The following ATF7IP2 variants were observed in gnomAD, a reference collection of about 807,000 sequenced individuals.
The protein encoded by ATF7IP2 is activating transcription factor 7-interacting protein 2.
A neutral mutation model predicts 64.2 loss-of-function variants in ATF7IP2; 42 were observed. The ratio of observed to expected loss-of-function variants is 0.65; its 90% CI spans 0.51 to 0.85. The LOEUF is 0.85. Among genes scored for constraint, ATF7IP2 ranks in the 40% least tolerant of loss-of-function variants. ATF7IP2 has a pLI of 0.00. For synonymous variants in ATF7IP2, 308 were observed against 272.8 expected, an observed-to-expected ratio of 1.13 and a Z score of -1.27; for missense variants, 933 against 784.2, an observed-to-expected ratio of 1.19 and a Z score of -2.27.
chr16:10,390,596 A>C (rs2047302200), intron 1 of ATF7IP2, among the ~76,000 whole-genome samples: 3 of 152,286 alleles, frequency 2.0e-5, no homozygotes, highest in African/African-American at 7.2e-5. Context: ...CACCTGGGTA[A>C]CATTACACAG....
chr16:10,471,220 A>T (rs1254815800), intron 9 of ATF7IP2, among the ~76,000 whole-genome samples: 1 of 152,152 alleles, frequency 6.6e-6, no homozygotes, highest in Non-Finnish European at 1.5e-5. Context: ...AAAACAGAAG[A>T]TGTCTGCAAG....
At chr16:10,398,362 C>T (rs2047460869) in intron 1 of ATF7IP2, among the ~76,000 whole-genome samples, 2 of 151,818 alleles carry the variant, frequency 1.3e-5, no homozygotes, top group South Asian at 4.2e-4. Context: ...GAAAAGGGAA[C>T]TCTTGCACAC....
intron 9 of ATF7IP2, among the ~76,000 whole-genome samples, chr16:10,469,839 TA>T (rs2049723555): frequency 6.6e-6 from 1 of 151,306 alleles, no homozygotes; most frequent in African/African-American, 2.4e-5. Context: ...CTGTGCAAAC[TA>T]GAAGACATCT....
rs570435220 is a variant in ATF7IP2 at position 10,388,683 on chromosome 16, C to A, written c.-242+2561C>A. ...GAATATTCATTAAACAGCATTAAAACTACTGTAAGAAAGGCATGTCACTGA... is the reference window on the plus strand; with the variant it reads ...GAATATTCATTAAACAGCATTAAAAATACTGTAAGAAAGGCATGTCACTGA... On this transcript the variant is annotated intron_variant, in intron 1 of 13. Coordinates refer to ENST00000562102, the MANE Select transcript of ATF7IP2 (RefSeq NM_001393719.1). Among the ~76,000 whole-genome samples, 315 of 152,242 alleles carry A rather than the reference C, an allele frequency of 2.1e-3. 2 individuals carry two copies. The highest frequency in any genetic ancestry group is 7.3e-3 in the African/African-American group (305 of 41,536).
chr16:10,393,856 C>T (rs939011920), intron 1 of ATF7IP2, among the ~76,000 whole-genome samples: 1 of 152,080 alleles, frequency 6.6e-6, no homozygotes, highest in Non-Finnish European at 1.5e-5. Context: ...GCTTGGGCAC[C>T]ATAGTAAGAC....
chr16:10,446,831 A>C (rs1016199053), intron 8 of ATF7IP2: 5 of 152,090 alleles, frequency 3.3e-5, no homozygotes, highest in African/African-American at 1.2e-4. Flanking sequence ...AATATCCCCT[A>C]TTGGAAGTTT....
At chr16:10,443,168 G>A (rs1056404969) in intron 8 of ATF7IP2, among the ~76,000 whole-genome samples, 1 of 152,188 alleles carries the variant, frequency 6.6e-6, no homozygotes, top group African/African-American at 2.4e-5. Context: ...TCCACTCGAG[G>A]ATGAGTAAGG....
intron 8 of ATF7IP2, chr16:10,445,435 C>G (rs531432362): frequency 2.0e-5 from 3 of 152,284 alleles, no homozygotes; most frequent in Admixed American, 6.5e-5. Flanking sequence ...CCTTGACTTT[C>G]AAAAGAAAGG....
intron 1 of ATF7IP2, among the ~76,000 whole-genome samples, chr16:10,393,124 A>T (rs997190390): frequency 6.6e-5 from 10 of 152,092 alleles, no homozygotes; most frequent in Admixed American, 1.3e-4. Context: ...AGCCTGGCCA[A>T]CATGGTGAAA....
At chr16:10,405,799 A>G (rs1379855843) in intron 1 of ATF7IP2, among the ~76,000 whole-genome samples, 1 of 152,134 alleles carries the variant, frequency 6.6e-6, no homozygotes. Context: ...ACTGACAATA[A>G]ACCTGTGTTG....
intron 6 of ATF7IP2, 38 bp downstream of exon 6, chr16:10,433,687 A>G (rs1340550972): frequency 5.6e-6 from 9 of 1,604,218 alleles, no homozygotes; most frequent in Middle Eastern, 3.3e-4. Context: ...TTTACTTTTG[A>G]TTAGTAAAAC....
At chr16:10,476,383 T>C (rs1173343172) in intron 12 of ATF7IP2, among the ~76,000 whole-genome samples, 1 of 152,210 alleles carries the variant, frequency 6.6e-6, no homozygotes, top group Non-Finnish European at 1.5e-5. Flanking sequence ...GGATCTAAAA[T>C]GGTTTTTACT....
chr16:10,424,225 CCTTCAGCGTGGGCATCATAGCCATCA>C (rs1367998617), intron 3 of ATF7IP2, among the ~76,000 whole-genome samples: 2 of 152,198 alleles, frequency 1.3e-5, no homozygotes, highest in Non-Finnish European at 2.9e-5. Flanking sequence ...AAACCAACAA[CCTTCAGCGTGGGCATCATAGCCATCA>C]CGAGCCTGTC....
At chr16:10,389,991 C>T (rs557045638) in intron 1 of ATF7IP2, among the ~76,000 whole-genome samples, 38 of 152,238 alleles carry the variant, frequency 2.5e-4, no homozygotes, top group Non-Finnish European at 4.6e-4. Flanking sequence ...TAAGACCCTC[C>T]GTTCAAATAT....
Position 10,482,181 on chromosome 16 carries a change from A to G in ATF7IP2, c.1981A>G (p.Ile661Val). 1.2e-6 allele frequency: 2 copies of G among 1,612,966 alleles called. No individual in the cohort carries two copies. The highest frequency in any genetic ancestry group is 1.7e-6 in the Non-Finnish European group (2 of 1,179,042). Residue 661 changes from isoleucine to valine, a missense_variant, in exon 14 of 14, where the codon ATT (isoleucine) becomes GTT (valine). Coordinates refer to ENST00000562102, the MANE Select transcript of ATF7IP2 (RefSeq NM_001393719.1). ...CTATTTTACTGTCCAATCAAAAGAT[A>G]TTTTTGGACGATATGGACCATTCTG... ...RYYFTVQSKD[I>V]FGRYGPFCDI...
At chr16:10,438,313 TGGC>T in intron 7 of ATF7IP2, 78 bp downstream of exon 7, 1 of 1,402,652 alleles carries the variant, frequency 7.1e-7, no homozygotes, top group East Asian at 2.6e-5. Context: ...TGCAGTACGG[TGGC>T]TCACTGCAGC....
Position 10,431,424 on chromosome 16 carries a change from A to G in ATF7IP2, c.804A>G (p.Thr268=), listed in dbSNP as rs1479689220. The change falls in exon 5 of 14, where the codon ACA becomes ACG. Residue 268 remains threonine (T), a synonymous_variant. Transcript: ENST00000562102. ...SISNCESADS[T]WQSSLDTNNN... Reference sequence around the variant, plus strand: ...CAAATTGTGAAAGTGCAGACTCAACATGGCAGTCATCACTTGACACTAATA... The same window carrying G: ...CAAATTGTGAAAGTGCAGACTCAACGTGGCAGTCATCACTTGACACTAATA... 1.2e-6 allele frequency: 2 copies of G among 1,606,322 alleles called. No individual in the cohort carries two copies. Among genetic ancestry groups the G allele is most frequent in the Admixed American group, 1.7e-5 (1 of 59,484 alleles).
chr16:10,482,318 A>G lies in ATF7IP2; in HGVS notation c.*69A>G. On this transcript the variant is annotated 3_prime_UTR_variant, in exon 14 of 14. Transcript: ENST00000562102. ...TTGTTTGCAATGTTACTGTAATACT[A>G]TTTGCCATTGTAAAAGGCCAGCTCA... 1 of 1,248,644 alleles carries G rather than the reference A, an allele frequency of 8.0e-7. No individual in the cohort carries two copies. The highest frequency in any genetic ancestry group is 1.1e-6 in the Non-Finnish European group (1 of 898,500). 77.3% of individuals were successfully genotyped at this position (1,248,644 alleles called of 1,614,324 possible). A position where few individuals can be genotyped will look rare whatever the true frequency, so the allele number is the denominator to read the frequency against.
In ATF7IP2 at chr16:10,473,913, A is replaced by AT. The variant is rs760649341; in HGVS notation, c.1483-3dup. 4.4e-6 allele frequency: 5 copies of AT among 1,136,104 alleles called. No individual in the cohort carries two copies. The highest frequency in any genetic ancestry group is 5.6e-6 in the Non-Finnish European group (5 of 886,850). 70.4% of individuals were successfully genotyped at this position (1,136,104 alleles called of 1,614,324 possible). Reference sequence around the variant, plus strand: ...GCAAAGCTTTTTTTTTTTTTTTACAATTTTTTTAGGCTGTACAGAAGAAAC... The same window carrying AT: ...GCAAAGCTTTTTTTTTTTTTTTACAATTTTTTTTAGGCTGTACAGAAGAAAC... On this transcript the variant is annotated splice_polypyrimidine_tract_variant and intron_variant, in intron 11 of 13. Transcript: ENST00000562102.
Sources: allele counts gnomAD v4.1 joint callset (sites outside exome capture counted in the v4.1 genomes callset), GRCh38; gene constraint gnomAD v4.1.1; transcripts MANE v1.5; gene names NCBI Gene and HGNC (gene_info 2026-07-23, HGNC 2026-07-21).